The following AMOTL1 variants were observed in gnomAD, a reference collection of about 807,000 sequenced individuals.
AMOTL1 encodes the protein angiomotin-like protein 1.
A neutral mutation model predicts 102.9 loss-of-function variants in AMOTL1; 45 were observed. The observed-to-expected ratio is 0.44, with a 90% CI of 0.34 to 0.56. The LOEUF (loss-of-function observed/expected upper bound fraction) is 0.56, where lower values mean the gene tolerates loss of function less well. AMOTL1 is among the 20% of genes least tolerant of loss of function. The pLI is 0.01. For missense variants in AMOTL1, 1,114 were observed against 1,225.6 expected, an observed-to-expected ratio of 0.91 and a Z score of 1.36; for synonymous variants, 481 against 484.7, an observed-to-expected ratio of 0.99 and a Z score of 0.10.
chr11:94,719,025 A>G (rs895255251), intron 1 of AMOTL1, among the ~76,000 whole-genome samples: 3 of 151,936 alleles, frequency 2.0e-5, no homozygotes, highest in African/African-American at 7.2e-5. Flanking sequence ...ATTCATCTTT[A>G]ATTAATTTTT....
chr11:94,708,104 T>C (rs545612378), intron 1 of AMOTL1, among the ~76,000 whole-genome samples: 1 of 152,268 alleles, frequency 6.6e-6, no homozygotes, highest in African/African-American at 2.4e-5. Context: ...ACTACCTTGG[T>C]CTAACCCATC....
rs538146815 is a variant in AMOTL1, at chr11:94,808,501, A to C, written c.1121+8190A>C. On this transcript the variant is annotated intron_variant, in intron 3 of 12. Transcript: ENST00000433060. ...TGTCAAACAAGCCATTTTTTATTAC[A>C]TATTAGCCTAATAGCCCAATTATAA... Among the ~76,000 whole-genome samples the C allele has an allele frequency of 1.2e-3, 185 of 152,192 alleles. 1 individual carries two copies. Among genetic ancestry groups the C allele is most frequent in the African/African-American group, 4.3e-3 (177 of 41,500 alleles).
In AMOTL1 at chr11:94,872,967, TG is replaced by T. The variant is rs1275632228; in HGVS notation, c.*2176del. 6.6e-6 allele frequency: 1 copy of T among 152,186 alleles called. No individual in the cohort carries two copies. Among genetic ancestry groups the T allele is most frequent in the African/African-American group, 2.4e-5 (1 of 41,432 alleles). 9.4% of individuals were successfully genotyped at this position (152,186 alleles called of 1,614,324 possible). A position where few individuals can be genotyped will look rare whatever the true frequency, so the allele number is the denominator to read the frequency against. On this transcript the variant is annotated 3_prime_UTR_variant, in exon 13 of 13. Transcript: ENST00000433060. ...AGGACATTTTGACCCCAGTTTATGT[TG>T]GGGATGGACCAGAAAGGAAAATGTC...
intron 3 of AMOTL1, among the ~76,000 whole-genome samples, chr11:94,757,619 CA>C (rs1950742440): frequency 6.6e-6 from 1 of 152,282 alleles, no homozygotes; most frequent in African/African-American, 2.4e-5. Flanking sequence ...GTAGCAAATT[CA>C]GGCCACTAAG....
intron 1 of AMOTL1, among the ~76,000 whole-genome samples, chr11:94,775,486 CT>C (rs536228170): frequency 1.5e-4 from 22 of 147,808 alleles, no homozygotes; most frequent in African/African-American, 2.2e-4. Flanking sequence ...AACTCTGTGA[CT>C]TTTTTTTTTT....
At chr11:94,771,539 T>C (rs1281483025) in intron 1 of AMOTL1, among the ~76,000 whole-genome samples, 1 of 152,206 alleles carries the variant, frequency 6.6e-6, no homozygotes, top group South Asian at 2.1e-4. Flanking sequence ...TAGTGATTTT[T>C]TTAAAGTTAA....
rs11020945 is a variant in AMOTL1, at chr11:94,803,972, C to G, written c.1121+3661C>G. 1.2e-4 allele frequency among the ~76,000 whole-genome samples: 19 copies of G among 152,288 alleles called. No individual in the cohort carries two copies. The East Asian group carries it at 3.7e-3, about 29-fold the overall frequency. ...GCTTTTGAAAGATAGCATTGTATCA[C>G]AAGCTTTTTTCCACAATCCTTTATT... On this transcript the variant is annotated intron_variant, in intron 3 of 12. Transcript: ENST00000433060.
rs115728878 is a variant in AMOTL1 at position 94,845,893 on chromosome 11, A to G, written c.1649-4221A>G. Among the ~76,000 whole-genome samples, 408 of 152,332 alleles carry G rather than the reference A, an allele frequency of 2.7e-3. 2 individuals carry two copies. Among genetic ancestry groups the G allele is most frequent in the African/African-American group, 9.5e-3 (395 of 41,580 alleles). ...TCTGGGCAAGAATTCCCTTGTGTCA[A>G]CTTGCCTGTTCTAGGAATTCTCAGT... On this transcript the variant is annotated intron_variant, in intron 6 of 12. Coordinates refer to ENST00000433060, the MANE Select transcript of AMOTL1 (RefSeq NM_130847.3).
rs956076629 is a variant in AMOTL1, at chr11:94,831,618, T to G, written c.1648+77T>G. 19 of 1,288,328 alleles carry G rather than the reference T, an allele frequency of 1.5e-5. No homozygotes were observed. The Admixed American group carries it at 3.4e-4, about 23-fold the overall frequency. 79.8% of individuals were successfully genotyped at this position (1,288,328 alleles called of 1,614,324 possible). On this transcript the variant is annotated intron_variant, in intron 6 of 12. Coordinates refer to ENST00000433060, the MANE Select transcript of AMOTL1 (RefSeq NM_130847.3). ...TCCTGAAGGAAGAATCATATTAGTT[T>G]CAAGTGGGTTTTGTGCTGTTTGCTT...
chr11:94,822,732 T>C (rs4753630), intron 4 of AMOTL1, among the ~76,000 whole-genome samples: 4 of 152,066 alleles, frequency 2.6e-5, no homozygotes, highest in African/African-American at 4.8e-5. Flanking sequence ...CCAAAGTAAA[T>C]AGGGGAACGT....
At chr11:94,851,233 A>T (rs547515522) in intron 7 of AMOTL1, among the ~76,000 whole-genome samples, 1 of 152,348 alleles carries the variant, frequency 6.6e-6, no homozygotes, top group South Asian at 2.1e-4. Context: ...GTTATGCCTA[A>T]GGGAGGCTGG....
chr11:94,720,096 T>C (rs1745681143), intron 1 of AMOTL1, among the ~76,000 whole-genome samples: 1 of 152,086 alleles, frequency 6.6e-6, no homozygotes, highest in Admixed American at 6.6e-5. Flanking sequence ...ATATAATTAC[T>C]TGGGGATGCG....
chr11:94,810,160 G>A (rs1287031841), intron 3 of AMOTL1, among the ~76,000 whole-genome samples: 1 of 152,198 alleles, frequency 6.6e-6, no homozygotes, highest in Non-Finnish European at 1.5e-5. Flanking sequence ...GGTACAGAGA[G>A]AAAGAGTCTG....
intron 6 of AMOTL1, among the ~76,000 whole-genome samples, chr11:94,849,543 C>T (rs1463158683): frequency 6.6e-6 from 1 of 152,042 alleles, no homozygotes; most frequent in Non-Finnish European, 1.5e-5. Context: ...AAATCTAAAG[C>T]CTTGTCCCTT....
chr11:94,792,854 GC>G (rs1330872325), intron 1 of AMOTL1, among the ~76,000 whole-genome samples: 1 of 152,118 alleles, frequency 6.6e-6, no homozygotes, highest in Non-Finnish European at 1.5e-5. Flanking sequence ...CTGTGCTCCG[GC>G]CCTGCTTCAA....
chr11:94,748,402 G>A (rs2073286230), intron 3 of AMOTL1, among the ~76,000 whole-genome samples: 1 of 152,192 alleles, frequency 6.6e-6, no homozygotes, highest in Non-Finnish European at 1.5e-5. Context: ...CCATTGGCCT[G>A]AACTTTAGTC....
intron 1 of AMOTL1, among the ~76,000 whole-genome samples, chr11:94,781,917 A>T (rs1371209724): frequency 1.3e-5 from 2 of 152,244 alleles, no homozygotes. Context: ...AGACAGTGGT[A>T]GTAGTCAGTC....
intron 1 of AMOTL1, among the ~76,000 whole-genome samples, chr11:94,719,701 G>C (rs1950148212): frequency 6.6e-6 from 1 of 152,050 alleles, no homozygotes; most frequent in African/African-American, 2.4e-5. Context: ...CTACTGATGA[G>C]TGAGCCTTCT....
chr11:94,808,723 T>C (rs1320564941), intron 3 of AMOTL1, among the ~76,000 whole-genome samples: 1 of 152,184 alleles, frequency 6.6e-6, no homozygotes, highest in Non-Finnish European at 1.5e-5. Context: ...CACTGTTCAA[T>C]AGAAATGTAA....
Sources: allele counts gnomAD v4.1 joint callset (sites outside exome capture counted in the v4.1 genomes callset), GRCh38; gene constraint gnomAD v4.1.1; transcripts MANE v1.5; gene names NCBI Gene and HGNC (gene_info 2026-07-23, HGNC 2026-07-21).